The following EIF4A2 variants were observed in gnomAD, a reference collection of about 807,000 sequenced individuals.
EIF4A2 encodes eukaryotic translation initiation factor 4A2, also known as eukaryotic initiation factor 4A-II.
A neutral mutation model predicts 50.6 loss-of-function variants in EIF4A2; 9 were observed. The observed-to-expected ratio is 0.18, with a 90% confidence interval of 0.11 to 0.31. The LOEUF (loss-of-function observed/expected upper bound fraction) is 0.31, where lower values mean the gene tolerates loss of function less well. EIF4A2 is among the 10% of genes least tolerant of loss of function. The pLI is 1.00. For missense variants in EIF4A2, 182 were observed against 501.8 expected, an observed-to-expected ratio of 0.36 and a Z score of 6.09; for synonymous variants, 215 against 164.4, an observed-to-expected ratio of 1.31 and a Z score of -2.35.
intron 10 of EIF4A2, 38 bp downstream of exon 10, chr3:186,787,920 C>A: frequency 1.2e-6 from 2 of 1,600,442 alleles, no homozygotes; most frequent in South Asian, 1.1e-5. Context: ...GAAAAAAATT[C>A]ATACGTTTTT....
intron 1 of EIF4A2, 198 bp downstream of exon 1, chr3:186,783,837 T>A: frequency 1.2e-6 from 1 of 806,704 alleles, no homozygotes; most frequent in Non-Finnish European, 2.0e-6. Context: ...GCGAAAGCAG[T>A]GGCTAAAGGG....
intron 1 of EIF4A2, 120 bp downstream of exon 1, chr3:186,783,759 A>G: frequency 6.7e-7 from 1 of 1,499,602 alleles, no homozygotes; most frequent in Non-Finnish European, 9.3e-7. Flanking sequence ...AGGGTACAGC[A>G]CTCCTGTGCC....
intron 6 of EIF4A2, 33 bp downstream of exon 6, chr3:186,786,306 G>T: frequency 1.3e-6 from 2 of 1,590,904 alleles, no homozygotes; most frequent in Non-Finnish European, 1.7e-6. Flanking sequence ...CTTAAAGGTA[G>T]AGATGGGGTT....
At position 186,789,362 on chromosome 3, in the gene EIF4A2, T is replaced by G; in HGVS notation, c.*93T>G. On this transcript the variant is annotated 3_prime_UTR_variant, in exon 11 of 11. Coordinates refer to ENST00000323963, the MANE Select transcript of EIF4A2 (RefSeq NM_001967.4). ...GCTTCTTTCTTTGGGAATATTTGAA[T>G]CTTGTCTCAATGCTCATAACGGATC... The G allele has an allele frequency of 3.3e-6, 5 of 1,494,600 alleles. No individual in the cohort carries two copies. The highest frequency in any genetic ancestry group is 4.5e-6 in the Non-Finnish European group (5 of 1,114,436). The allele number at this position is 1,494,600 out of a possible 1,614,324, so 92.6% of individuals were successfully genotyped here.
At chr3:186,785,544 T>A in intron 4 of EIF4A2, 1 of 312,008 alleles carries the variant, frequency 3.2e-6, no homozygotes, top group Non-Finnish European at 6.0e-6. Context: ...CAATACCCTC[T>A]GGGGGAAAAA....
intron 3 of EIF4A2, 21 bp downstream of exon 3, chr3:186,784,717 T>A (rs751445613): frequency 6.2e-7 from 1 of 1,611,882 alleles, no homozygotes; most frequent in South Asian, 1.1e-5. Flanking sequence ...CTGGCATTTT[T>A]AGGAAATTGT....
At position 186,789,416 on chromosome 3, in the gene EIF4A2, C is replaced by T. The variant is rs758759080; in HGVS notation, c.*147C>T. ...AATACAGATTTTGATAGCAAAGCGA[C>T]GTTAGTCGTGAGCTCTTGTGAGGAA... On this transcript the variant is annotated 3_prime_UTR_variant, in exon 11 of 11. Transcript: ENST00000323963. 6 of 1,191,046 alleles carry T rather than the reference C, an allele frequency of 5.0e-6. No homozygotes were observed. The highest frequency in any genetic ancestry group is 3.1e-5 in the Admixed American group (1 of 32,498). The allele number at this position is 1,191,046 out of a possible 1,614,324, so 73.8% of individuals were successfully genotyped here.
At chr3:186,783,694 G>T in intron 1 of EIF4A2, 55 bp downstream of exon 1, 1 of 1,613,850 alleles carries the variant, frequency 6.2e-7, no homozygotes, top group East Asian at 2.2e-5. Flanking sequence ...GGCGCCAGGG[G>T]AGATGATAGT....
intron 6 of EIF4A2, 45 bp downstream of exon 6, chr3:186,786,318 A>C (rs369188077): frequency 1.3e-6 from 2 of 1,575,330 alleles, no homozygotes; most frequent in African/African-American, 2.7e-5. Flanking sequence ...GATGGGGTTT[A>C]TTTAATGCAG....
chr3:186,787,749 G>C (rs767553830), intron 9 of EIF4A2, 54 bp from the exon 10 acceptor site: 2 of 1,610,888 alleles, frequency 1.2e-6, no homozygotes, highest in African/African-American at 1.3e-5. Flanking sequence ...TGGCCTACAT[G>C]ACAGGTGTCA....
intron 10 of EIF4A2, chr3:186,788,556 C>A: frequency 4.7e-6 from 3 of 632,866 alleles, no homozygotes; most frequent in Non-Finnish European, 6.6e-6. Flanking sequence ...TTCTAACATG[C>A]AGGTAGCTGT....
chr3:186,787,718 G>T, intron 9 of EIF4A2, 85 bp from the exon 10 acceptor site: 2 of 1,592,284 alleles, frequency 1.3e-6, no homozygotes, highest in Non-Finnish European at 1.7e-6. Context: ...ATACCACTTA[G>T]TATAGTTCGC....
In EIF4A2 at chr3:186,784,942, G is replaced by T; in HGVS notation, c.209-20G>T. On this transcript the variant is annotated intron_variant, in intron 3 of 10. Coordinates refer to ENST00000323963, the MANE Select transcript of EIF4A2 (RefSeq NM_001967.4). ...ACAATTTGATGTGGGATCGGTAAAT[G>T]TGTATCCTACTTTTTTTAGGGTATG... The T allele has an allele frequency of 1.9e-6, 3 of 1,614,186 alleles. No individual in the cohort carries two copies. The highest frequency in any genetic ancestry group is 2.5e-6 in the Non-Finnish European group (3 of 1,180,040).
intron 10 of EIF4A2, 128 bp downstream of exon 10, chr3:186,788,010 A>T: frequency 9.6e-7 from 1 of 1,038,014 alleles, no homozygotes. Context: ...AAGATGATGT[A>T]ATTAAATTTG....
At chr3:186,788,669 A>C (rs1721927963) in intron 10 of EIF4A2, 2 of 229,764 alleles carry the variant, frequency 8.7e-6, no homozygotes, top group Admixed American at 1.0e-4. Flanking sequence ...TTGTTTTCCC[A>C]CTGGAAAAAA....
chr3:186,787,337 G>A (rs1347297829), intron 8 of EIF4A2, 73 bp downstream of exon 8: 1 of 1,612,686 alleles, frequency 6.2e-7, no homozygotes, highest in Non-Finnish European at 8.5e-7. Context: ...GCTAAGTGCT[G>A]TGTTGTCGTT....
intron 4 of EIF4A2, 78 bp from the exon 5 acceptor site, chr3:186,785,805 T>C (rs1579159592): frequency 1.3e-6 from 2 of 1,517,738 alleles, no homozygotes; most frequent in East Asian, 4.6e-5. Flanking sequence ...CAGACCAGAT[T>C]ATATTTGCCT....
chr3:186,787,104 A>T, intron 7 of EIF4A2, 23 bp from the exon 8 acceptor site: 1 of 1,612,066 alleles, frequency 6.2e-7, no homozygotes. Flanking sequence ...ATGACTGTTA[A>T]CTTTAACTTC....
At chr3:186,786,408 C>T (rs933170461) in intron 6 of EIF4A2, 94 bp from the exon 7 acceptor site, 3 of 1,550,324 alleles carry the variant, frequency 1.9e-6, no homozygotes, top group South Asian at 2.5e-5. Context: ...TGTCTACCTT[C>T]ATTCCGTAGT....
Sources: gnomAD v4.1 joint callset for allele counts on GRCh38, gnomAD v4.1.1 for gene constraint, MANE v1.5 for transcripts, NCBI Gene and HGNC (gene_info 2026-07-23, HGNC 2026-07-21) for gene names.